The following EGFR variants were observed in gnomAD, a reference collection of about 807,000 sequenced individuals.
The protein encoded by EGFR is epidermal growth factor receptor.
In EGFR, 58 loss-of-function variants were observed where a neutral mutation model predicts 143.0. The observed-to-expected ratio is 0.41, with a 90% CI of 0.33 to 0.50. EGFR has a LOEUF of 0.50. EGFR is among the 20% of genes least tolerant of loss of function. The pLI is 0.39. For missense variants in EGFR, 1,307 were observed against 1,579.0 expected, an observed-to-expected ratio of 0.83 and a Z score of 2.92; for synonymous variants, 613 against 594.4, an observed-to-expected ratio of 1.03 and a Z score of -0.45.
At chr7:55,117,388 G>A (rs894834960) in intron 1 of EGFR, among the ~76,000 whole-genome samples, 3 of 152,074 alleles carry the variant, frequency 2.0e-5, no homozygotes, top group Admixed American at 1.3e-4. Flanking sequence ...TTCCCGGGGT[G>A]GGGGGGACCC....
chr7:55,172,416 T>C (rs1295595468), intron 16 of EGFR, among the ~76,000 whole-genome samples: 1 of 152,218 alleles, frequency 6.6e-6, no homozygotes, highest in African/African-American at 2.4e-5. Flanking sequence ...ATCACAATGA[T>C]GCTTTCTATG....
intron 1 of EGFR, among the ~76,000 whole-genome samples, chr7:55,072,494 G>A: frequency 6.6e-6 from 1 of 152,224 alleles, no homozygotes. Flanking sequence ...GGCTGGATGA[G>A]GTTTGCTGGT....
rs1786334130 is a variant in EGFR at position 55,171,209 on chromosome 7, A to G, written c.1915A>G (p.Asn639Asp). 6.2e-6 allele frequency: 10 copies of G among 1,614,094 alleles called. No individual in the cohort carries two copies. Among genetic ancestry groups the G allele is most frequent in the Non-Finnish European group, 6.8e-6 (8 of 1,180,044 alleles). The change falls in exon 16 of 28, where the codon AAT (asparagine) becomes GAT (aspartate). Residue 639 changes from asparagine (N) to aspartate (D), a missense_variant. By Grantham distance (23) the Asn-to-Asp change is conservative. Transcript: ENST00000275493. ...TGPGLEGCPTNGPKIPSIATG... is the reference protein window; with the variant it reads ...TGPGLEGCPTDGPKIPSIATG... ...GCCAGGTCTTGAAGGCTGTCCAACG[A>G]ATGGGTAAGTGTTCACAGCTCTGTG... is the stretch of plus-strand genomic sequence containing the variant.
intron 3 of EGFR, among the ~76,000 whole-genome samples, chr7:55,145,556 A>G (rs998084976): frequency 1.3e-5 from 2 of 152,010 alleles, no homozygotes; most frequent in South Asian, 2.1e-4. Flanking sequence ...CCTTCTGGGG[A>G]AGCTCATTTT....
chr7:55,130,330 C>T (rs1206533473), intron 1 of EGFR, among the ~76,000 whole-genome samples: 1 of 152,198 alleles, frequency 6.6e-6, no homozygotes, highest in Non-Finnish European at 1.5e-5. Context: ...AACAGGAGTG[C>T]GGCCCTATTG....
intron 6 of EGFR, 34 bp downstream of exon 6, chr7:55,152,698 G>A (rs1206080805): frequency 2.5e-6 from 4 of 1,587,954 alleles, no homozygotes; most frequent in Middle Eastern, 1.7e-4. Flanking sequence ...CCCTGGAGCA[G>A]GCTGGGGCTG....
chr7:55,155,107 A>G (rs1254497778), intron 7 of EGFR, among the ~76,000 whole-genome samples: 2 of 152,216 alleles, frequency 1.3e-5, no homozygotes, highest in Non-Finnish European at 2.9e-5. Flanking sequence ...TCAATGTCCT[A>G]TAAATATTTT....
At chr7:55,142,538 G>A in intron 2 of EGFR, 101 bp downstream of exon 2, 1 of 1,473,836 alleles carries the variant, frequency 6.8e-7, no homozygotes. Flanking sequence ...TTTTTGCTAT[G>A]GCAATGACAA....
intron 1 of EGFR, among the ~76,000 whole-genome samples, chr7:55,098,314 G>C (rs1791599252): frequency 6.6e-6 from 1 of 152,188 alleles, no homozygotes; most frequent in Non-Finnish European, 1.5e-5. Context: ...GGGCTAGGGG[G>C]ACTGGGGAGA....
chr7:55,080,175 A>C (rs1583987377), intron 1 of EGFR, among the ~76,000 whole-genome samples: 5 of 152,142 alleles, frequency 3.3e-5, no homozygotes, highest in Admixed American at 2.6e-4. Context: ...GTTTTTGCAC[A>C]AGAGTTGAGG....
chr7:55,121,489 G>A (rs1793202591), intron 1 of EGFR, among the ~76,000 whole-genome samples: 1 of 152,198 alleles, frequency 6.6e-6, no homozygotes. Context: ...AGGAATGTGA[G>A]GTACTGCCCT....
intron 22 of EGFR, among the ~76,000 whole-genome samples, chr7:55,197,568 G>A (rs1418625367): frequency 6.6e-6 from 1 of 152,144 alleles, no homozygotes; most frequent in African/African-American, 2.4e-5. Flanking sequence ...GTTGAGAGAG[G>A]GAATCCTTGT....
At position 55,201,371 on chromosome 7, in the gene EGFR, C is replaced by G. The variant is rs1315947578; in HGVS notation, c.3114+16C>G. ...GAGCTCTCTGGTATGAAATCTCTGT[C>G]TCTCTCTCTCTCTCAAGCTGTGTCT... On this transcript the variant is annotated intron_variant, in intron 25 of 27. Coordinates refer to ENST00000275493, the MANE Select transcript of EGFR (RefSeq NM_005228.5). The G allele has an allele frequency of 7.2e-6, 11 of 1,517,722 alleles. No homozygotes were observed. The highest frequency in any genetic ancestry group is 9.9e-6 in the Non-Finnish European group (11 of 1,108,772). 94.0% of individuals were successfully genotyped at this position (1,517,722 alleles called of 1,614,324 possible).
chr7:55,170,213 C>T (rs1562780939), intron 15 of EGFR: 2 of 1,605,930 alleles, frequency 1.2e-6, no homozygotes, highest in Non-Finnish European at 8.5e-7. Context: ...ACCTGGAGAG[C>T]AGAGATAGAA....
intron 15 of EGFR, among the ~76,000 whole-genome samples, chr7:55,165,860 T>G (rs574947318): frequency 6.6e-6 from 1 of 152,362 alleles, no homozygotes; most frequent in South Asian, 2.1e-4. Flanking sequence ...GCTAGTTGAT[T>G]GTTAAGCTGT....
chr7:55,153,414 G>A (rs1006188557), intron 6 of EGFR, among the ~76,000 whole-genome samples: 1 of 152,214 alleles, frequency 6.6e-6, no homozygotes, highest in African/African-American at 2.4e-5. Flanking sequence ...ACTAAATCCA[G>A]AGCACTCTGT....
chr7:55,126,431 T>C (rs1303776417), intron 1 of EGFR, among the ~76,000 whole-genome samples: 1 of 152,238 alleles, frequency 6.6e-6, no homozygotes, highest in Non-Finnish European at 1.5e-5. Flanking sequence ...GGAGGCATTC[T>C]TCTACTCCCA....
rs2128932514 is a variant in EGFR, at chr7:55,151,318, C to T, written c.584C>T (p.Pro195Leu). The change falls in exon 5 of 28, where the codon CCC becomes CTC. Residue 195 changes from proline (P) to leucine (L), a missense_variant. By Grantham distance (98) the Pro-to-Leu change is moderately conservative. Transcript: ENST00000275493. ...GSCQKCDPSC[P>L]NGSCWGAGEE... ...GGCCAAAAGTGTGATCCAAGCTGTCCCAATGGGAGCTGCTGGGGTGCAGGA... is the reference window on the plus strand; with the variant it reads ...GGCCAAAAGTGTGATCCAAGCTGTCTCAATGGGAGCTGCTGGGGTGCAGGA... The T allele has an allele frequency of 6.2e-7, 1 of 1,614,132 alleles. No individual in the cohort carries two copies. Among genetic ancestry groups the T allele is most frequent in the Non-Finnish European group, 8.5e-7 (1 of 1,180,022 alleles).
chr7:55,142,163 G>T, intron 1 of EGFR, 123 bp from the exon 2 acceptor site: 1 of 1,174,860 alleles, frequency 8.5e-7, no homozygotes, highest in Non-Finnish European at 1.2e-6. Flanking sequence ...AGGAATGGGT[G>T]AGTCTCTGTG....
Sources: allele counts gnomAD v4.1 joint callset (sites outside exome capture counted in the v4.1 genomes callset), GRCh38; gene constraint gnomAD v4.1.1; transcripts MANE v1.5; gene names NCBI Gene and HGNC (gene_info 2026-07-23, HGNC 2026-07-21).